WASF3: variants seen among roughly 807,000 people sequenced by gnomAD.
The protein encoded by WASF3 is WASP family member 3, also known as actin-binding protein WASF3.
In WASF3, 11 loss-of-function variants were observed where a neutral mutation model predicts 46.6. The observed-to-expected ratio is 0.24, with a 90% CI of 0.15 to 0.39. WASF3 has a LOEUF of 0.39. WASF3 is among the 10% of genes least tolerant of loss of function. The pLI is 1.00. For missense variants in WASF3, 576 were observed against 669.8 expected (o/e 0.86, Z 1.55); for synonymous variants, 242 against 259.7 (o/e 0.93, Z 0.65).
chr13:26,659,851 A>G (rs1882573575), intron 3 of WASF3, among the ~76,000 whole-genome samples: 1 of 152,054 alleles, frequency 6.6e-6, no homozygotes, highest in Admixed American at 6.5e-5. Context: ...GATGGGAGAG[A>G]AGCAGGCTTA....
chr13:26,578,102 T>C (rs190893865), intron 1 of WASF3, among the ~76,000 whole-genome samples: 171 of 152,346 alleles, frequency 1.1e-3, no homozygotes, highest in Non-Finnish European at 1.7e-3. Context: ...CTAGATACTT[T>C]CTCCTCCTTT....
Position 26,671,899 on chromosome 13 carries a change from C to G in WASF3, c.450C>G (p.Phe150Leu). The G allele has an allele frequency of 6.2e-7, 1 of 1,607,496 alleles. No homozygotes were observed. Among genetic ancestry groups the G allele is most frequent in the African/African-American group, 1.3e-5 (1 of 74,556 alleles). The change falls in exon 6 of 10, where the codon TTC becomes TTG. Residue 150 changes from phenylalanine (F) to leucine (L), a missense_variant. Transcript: ENST00000335327. ...ATGACAAGAAGGATGGGCTGAAGTT[C>G]TATACTGATCCTTCCTATTTCTTTG... ...YRDDKKDGLK[F>L]YTDPSYFFDL...
At chr13:26,554,567 A>C (rs1879059112), upstream of WASF3, among the ~76,000 whole-genome samples, 1 of 152,232 alleles carries the variant, frequency 6.6e-6, no homozygotes, top group Non-Finnish European at 1.5e-5. Context: ...AATTTTAAGA[A>C]ACGAAACTTT....
At chr13:26,680,127 G>A (rs866212218) in intron 7 of WASF3, 1 of 1,598,264 alleles carries the variant, frequency 6.3e-7, no homozygotes, top group Non-Finnish European at 8.5e-7. Context: ...GAAGGAAAAT[G>A]GGCATTGAGT....
At position 26,667,574 on chromosome 13, in the gene WASF3, AG is replaced by A; in HGVS notation, c.327del (p.Gln109HisfsTer26). On this transcript the variant is annotated frameshift_variant, in exon 5 of 10. Transcript: ENST00000335327. LOFTEE classifies it high-confidence loss of function. Reference sequence around the variant, plus strand: ...TTCAAAAGTTCCACAGTCCAAGACCAGCAAGTGGTTTCAAAGAACAGCATTC... The same window carrying A: ...TTCAAAAGTTCCACAGTCCAAGACCACAAGTGGTTTCAAAGAACAGCATTC... ...KAFKSSTVQDQQVVSKNSIPN... is the reference protein window; with the variant it reads ...KAFKSSTVQDXQVVSKNSIPN... 1 of 1,614,208 alleles carries A rather than the reference AG, an allele frequency of 6.2e-7. No individual in the cohort carries two copies. The highest frequency in any genetic ancestry group is 8.5e-7 in the Non-Finnish European group (1 of 1,180,020).
chr13:26,621,096 G>A (rs1881292152), intron 2 of WASF3, among the ~76,000 whole-genome samples: 1 of 152,124 alleles, frequency 6.6e-6, no homozygotes, highest in Admixed American at 6.6e-5. Context: ...GGTCTGTGAT[G>A]CCGTGTCATC....
upstream of WASF3, among the ~76,000 whole-genome samples, chr13:26,555,229 T>C (rs1879070906): frequency 6.6e-6 from 1 of 152,286 alleles, no homozygotes; most frequent in African/African-American, 2.4e-5. Context: ...TTTAGATCTT[T>C]TGCTCACTTG....
intron 1 of WASF3, among the ~76,000 whole-genome samples, chr13:26,596,972 A>G (rs779874314): frequency 1.3e-5 from 2 of 152,094 alleles, no homozygotes; most frequent in African/African-American, 2.4e-5. Context: ...AAATCTTCCA[A>G]CTGCTCATGT....
intron 6 of WASF3, among the ~76,000 whole-genome samples, chr13:26,674,088 A>AG (rs1244215090): frequency 6.6e-6 from 1 of 152,170 alleles, no homozygotes; most frequent in Non-Finnish European, 1.5e-5. Flanking sequence ...ATTTTAATGT[A>AG]GGCCAGTGTA....
At chr13:26,589,908 C>T (rs897705120) in intron 1 of WASF3, among the ~76,000 whole-genome samples, 6 of 151,612 alleles carry the variant, frequency 4.0e-5, no homozygotes, top group Admixed American at 1.3e-4. Flanking sequence ...GGCCACCCCC[C>T]ATTGCTGGAC....
chr13:26,625,262 A>T (rs1345048537), intron 2 of WASF3, among the ~76,000 whole-genome samples: 1 of 152,164 alleles, frequency 6.6e-6, no homozygotes, highest in Admixed American at 6.5e-5. Context: ...CATATAGGAT[A>T]TATAGATTTA....
chr13:26,636,754 T>A (rs1881836369), intron 2 of WASF3, among the ~76,000 whole-genome samples: 1 of 152,208 alleles, frequency 6.6e-6, no homozygotes, highest in African/African-American at 2.4e-5. Flanking sequence ...GGGTCCTTTC[T>A]TGCCTTGAGC....
rs1483774588 is a variant in WASF3 at position 26,665,144 on chromosome 13, G to C, written c.250G>C (p.Asp84His). 6.2e-7 allele frequency: 1 copy of C among 1,614,002 alleles called. No individual in the cohort carries two copies. The highest frequency in any genetic ancestry group is 8.5e-7 in the Non-Finnish European group (1 of 1,180,002). Residue 84 changes from aspartate to histidine, a missense_variant, in exon 4 of 10, where the codon GAT (aspartate) becomes CAT (histidine). Asp to His is a moderately conservative substitution (Grantham distance 81). Around this residue, in one of 3 missense-constraint regions of WASF3, gnomAD observed 213 missense variants for 278.0 expected, o/e 0.77. Coordinates refer to ENST00000335327, the MANE Select transcript of WASF3 (RefSeq NM_006646.6). ...DRLAVKVTQL[D>H]STVEEVSLQD... ...CCTTGCTGTCAAAGTCACCCAGCTG[G>C]ATTCAACAGTGGAAGAGGGTAGGTA...
At chr13:26,568,816 A>G (rs985061245) in intron 1 of WASF3, among the ~76,000 whole-genome samples, 1 of 152,186 alleles carries the variant, frequency 6.6e-6, no homozygotes, top group Non-Finnish European at 1.5e-5. Flanking sequence ...AGTCTCAGTA[A>G]ATTGTCTGTG....
chr13:26,683,928 T>C (rs1465713799), intron 9 of WASF3, among the ~76,000 whole-genome samples: 2 of 152,190 alleles, frequency 1.3e-5, no homozygotes, highest in Non-Finnish European at 2.9e-5. Flanking sequence ...TGACATGTTA[T>C]GGGAATATCC....
chr13:26,557,792 C>T lies in WASF3; in HGVS notation c.-136C>T, dbSNP rs1456485852. 4 of 283,408 alleles carry T rather than the reference C, an allele frequency of 1.4e-5. No individual in the cohort carries two copies. The highest frequency in any genetic ancestry group is 2.6e-5 in the Non-Finnish European group (4 of 153,076). The allele number at this position is 283,408 out of a possible 1,614,324, so 17.6% of individuals were successfully genotyped here. ...GGACCATGGAGCTCAGAGCGCAGCC[C>T]CGGCGCCGGCGGCGGGACCGCGGAC... On this transcript the variant is annotated 5_prime_UTR_variant, in exon 1 of 10. Coordinates refer to ENST00000335327, the MANE Select transcript of WASF3 (RefSeq NM_006646.6).
intron 1 of WASF3, among the ~76,000 whole-genome samples, chr13:26,560,654 T>A (rs148361636): frequency 1.3e-3 from 200 of 152,032 alleles, no homozygotes; most frequent in African/African-American, 4.5e-3. Flanking sequence ...CATGATAGAG[T>A]CAGTAATCAG....
upstream of WASF3, among the ~76,000 whole-genome samples, chr13:26,554,080 CTTCCTTCCTTCCTTCCTTCT>C (rs1879034496): frequency 3.4e-4 from 18 of 52,504 alleles, no homozygotes; most frequent in African/African-American, 1.2e-3. Flanking sequence ...TCCTTCCTTC[CTTCCTTCCTTCCTTCCTTCT>C]TTCTTTCTTT....
At chr13:26,671,749 G>A (rs957233473) in intron 5 of WASF3, 123 bp from the exon 6 acceptor site, 5 of 620,340 alleles carry the variant, frequency 8.1e-6, no homozygotes, top group Non-Finnish European at 1.4e-5. Context: ...ATATGTGTAG[G>A]AGAGTTTAAG....
Sources: allele counts gnomAD v4.1 joint callset (sites outside exome capture counted in the v4.1 genomes callset), GRCh38; gene constraint gnomAD v4.1.1; regional missense constraint gnomAD v4.1.1; transcripts MANE v1.5; gene names NCBI Gene and HGNC (gene_info 2026-07-23, HGNC 2026-07-21).